UNC79: variants seen among roughly 807,000 people sequenced by gnomAD.
The protein encoded by UNC79 is unc-79 subunit of NALCN channel complex, also known as protein unc-79 homolog.
Under a neutral mutation model 283.1 loss-of-function variants are expected in UNC79, and 37 were observed. The observed-to-expected ratio is 0.13, with a 90% CI of 0.10 to 0.17. The LOEUF is 0.17. UNC79 is among the 10% of genes least tolerant of loss of function. The pLI, the probability that UNC79 is intolerant of heterozygous loss-of-function variation, is 1.00. For synonymous variants in UNC79, 1,107 were observed against 1,200.2 expected, an observed-to-expected ratio of 0.92 and a Z score of 1.61; for missense variants, 2,272 against 3,211.1, an observed-to-expected ratio of 0.71 and a Z score of 7.07.
chr14:93,339,284 A>T (rs982056394), intron 1 of UNC79, among the ~76,000 whole-genome samples: 13 of 151,824 alleles, frequency 8.6e-5, no homozygotes, highest in African/African-American at 3.1e-4. Context: ...TCAGCTCTAG[A>T]TGGCCATTTT....
chr14:93,584,972 C>T (rs1383271397), intron 20 of UNC79, among the ~76,000 whole-genome samples: 1 of 152,082 alleles, frequency 6.6e-6, no homozygotes, highest in African/African-American at 2.4e-5. Context: ...GCTAGGATTA[C>T]AGGCGTGAGC....
intron 7 of UNC79, among the ~76,000 whole-genome samples, chr14:93,516,142 A>C (rs2060042796): frequency 6.6e-6 from 1 of 152,102 alleles, no homozygotes; most frequent in African/African-American, 2.4e-5. Flanking sequence ...AATAATAATT[A>C]ACCATATATG....
chr14:93,485,411 G>A (rs2058367921), intron 4 of UNC79, among the ~76,000 whole-genome samples: 1 of 151,874 alleles, frequency 6.6e-6, no homozygotes, highest in Non-Finnish European at 1.5e-5. Context: ...TTCTCAAAGA[G>A]TGGTCCAAAG....
At chr14:93,639,470 A>G (rs976108378) in intron 32 of UNC79, among the ~76,000 whole-genome samples, 1 of 152,178 alleles carries the variant, frequency 6.6e-6, no homozygotes, top group Non-Finnish European at 1.5e-5. Flanking sequence ...GTGTACATTT[A>G]TGCTTGTAAT....
At position 93,566,262 on chromosome 14, in the gene UNC79, A is replaced by G. The variant is rs1344748770; in HGVS notation, c.1756-5632A>G. Among the ~76,000 whole-genome samples, 4 of 152,178 alleles carry G rather than the reference A, an allele frequency of 2.6e-5. No homozygotes were observed. The South Asian group carries it at 6.2e-4, about 24-fold the overall frequency. On this transcript the variant is annotated intron_variant, in intron 14 of 48. Transcript: ENST00000555664. ...GACTCTTTGGCTCCCCATGTAATGG[A>G]AATTGACATGGGGCCAAGTGGATTT...
chr14:93,347,029 G>A (rs948375620), intron 1 of UNC79, among the ~76,000 whole-genome samples: 30 of 151,790 alleles, frequency 2.0e-4, no homozygotes, highest in African/African-American at 6.0e-4. Flanking sequence ...AGAGGGGGTG[G>A]GGCAAAGCAC....
At chr14:93,472,433 A>G (rs1459203996) in intron 2 of UNC79, among the ~76,000 whole-genome samples, 1 of 149,640 alleles carries the variant, frequency 6.7e-6, no homozygotes, top group Non-Finnish European at 1.5e-5. Context: ...AAAGTCAAAT[A>G]CATCACACAC....
chr14:93,373,571 T>G (rs888424760), intron 1 of UNC79, among the ~76,000 whole-genome samples: 5 of 152,162 alleles, frequency 3.3e-5, no homozygotes, highest in Non-Finnish European at 5.9e-5. Context: ...CTAGATAATC[T>G]GAATAGGCTG....
rs147541327 is a variant in UNC79, at chr14:93,357,070, A to G, written c.-351+23547A>G. Among the ~76,000 whole-genome samples the G allele has an allele frequency of 5.4e-3, 823 of 152,250 alleles. 5 individuals are homozygous for G. The highest frequency in any genetic ancestry group is 8.9e-3 in the South Asian group (43 of 4,814). On this transcript the variant is annotated intron_variant, in intron 1 of 49. Coordinates refer to the UNC79 transcript ENST00000256339. ...GTTCCTTTGTTTCCATGTGTACCCC[A>G]TGTTTCACTCCCACTTACAAGAGAG...
chr14:93,551,070 G>A (rs1188436735), intron 14 of UNC79, among the ~76,000 whole-genome samples: 2 of 151,832 alleles, frequency 1.3e-5, no homozygotes, highest in Non-Finnish European at 2.9e-5. Flanking sequence ...TTTAAATCGA[G>A]ACGGAGTCTC....
intron 1 of UNC79, among the ~76,000 whole-genome samples, chr14:93,451,721 C>A (rs921245106): frequency 7.9e-5 from 12 of 152,154 alleles, no homozygotes; most frequent in Non-Finnish European, 1.6e-4. Flanking sequence ...TGCCCCTTAC[C>A]TCCTGTTCCA....
At chr14:93,489,397 T>C (rs1256640445) in intron 5 of UNC79, among the ~76,000 whole-genome samples, 1 of 152,194 alleles carries the variant, frequency 6.6e-6, no homozygotes, top group Admixed American at 6.5e-5. Context: ...AAGTCTCATG[T>C]GAATACCATC....
At position 93,493,876 on chromosome 14, in the gene UNC79, T is replaced by C. The variant is rs1335369895; in HGVS notation, c.713-2535T>C. Among the ~76,000 whole-genome samples the C allele has an allele frequency of 1.1e-3, 69 of 65,036 alleles. 1 individual carries two copies. Among genetic ancestry groups the C allele is most frequent in the African/African-American group, 1.3e-3 (21 of 15,598 alleles). The allele number at this position is 65,036 out of a possible 152,430, so 42.7% of individuals were successfully genotyped here. Reference sequence around the variant, plus strand: ...AAGAGAGAGAAGGGGAAGTGCCACATATATATATATATATATATATATATA... The same window carrying C: ...AAGAGAGAGAAGGGGAAGTGCCACACATATATATATATATATATATATATA... On this transcript the variant is annotated intron_variant, in intron 5 of 48. Coordinates refer to ENST00000555664, the Ensembl canonical transcript of UNC79.
At chr14:93,629,358 T>C (rs1049918686) in intron 30 of UNC79, among the ~76,000 whole-genome samples, 4 of 152,192 alleles carry the variant, frequency 2.6e-5, no homozygotes, top group African/African-American at 9.7e-5. Context: ...TGCAGGCCAG[T>C]AAGGGTAAGA....
At chr14:93,565,513 C>A (rs1226964413) in intron 14 of UNC79, among the ~76,000 whole-genome samples, 1 of 152,148 alleles carries the variant, frequency 6.6e-6, no homozygotes. Flanking sequence ...CCTAGGGTAT[C>A]CTGTTCTTCT....
At chr14:93,516,281 CT>C (rs1397494265) in intron 7 of UNC79, among the ~76,000 whole-genome samples, 1 of 151,760 alleles carries the variant, frequency 6.6e-6, no homozygotes, top group Non-Finnish European at 1.5e-5. Flanking sequence ...TAGATTTGCT[CT>C]TTTAAAAATT....
chr14:93,595,830 T>C (rs905534512), intron 23 of UNC79, among the ~76,000 whole-genome samples: 2 of 152,250 alleles, frequency 1.3e-5, no homozygotes, highest in Non-Finnish European at 2.9e-5. Context: ...TTAGTCAATT[T>C]AACTTTGAGG....
At chr14:93,685,456 G>A (rs57557036) in intron 42 of UNC79, among the ~76,000 whole-genome samples, 3,618 of 152,192 alleles carry the variant, frequency 0.024, 112 homozygotes, top group African/African-American at 0.073. Flanking sequence ...AGAAAACTTT[G>A]GAACGTACGA....
intron 1 of UNC79, among the ~76,000 whole-genome samples, chr14:93,346,916 G>A (rs759979689): frequency 2.0e-5 from 3 of 152,044 alleles, no homozygotes; most frequent in Non-Finnish European, 2.9e-5. Context: ...GGAGCCCTGA[G>A]TGGAAAAGGC....
Sources: gnomAD v4.1 joint callset for allele counts (sites outside exome capture counted in the v4.1 genomes callset) on GRCh38, gnomAD v4.1.1 for gene constraint, MANE v1.5 for transcripts, NCBI Gene and HGNC (gene_info 2026-07-23, HGNC 2026-07-21) for gene names.